DBNL: variants seen among roughly 807,000 people sequenced by gnomAD.
DBNL encodes the protein drebrin like.
A neutral mutation model predicts 62.2 loss-of-function variants in DBNL; 35 were observed. The observed-to-expected ratio is 0.56, with a 90% CI of 0.43 to 0.75. The LOEUF is 0.75. Among genes scored for constraint, DBNL ranks in the 30% least tolerant of loss-of-function variants. The pLI is 0.00. For synonymous variants in DBNL, 197 were observed against 218.0 expected (o/e 0.90, Z 0.85); for missense variants, 495 against 578.4 (o/e 0.86, Z 1.48).
At position 44,061,543 on chromosome 7, in the gene DBNL, CACA is replaced by C. The variant is rs1167431110; in HGVS notation, c.*631_*633del. On this transcript the variant is annotated 3_prime_UTR_variant, in exon 13 of 13. Coordinates refer to ENST00000448521, the MANE Select transcript of DBNL (RefSeq NM_001014436.3). ...ACCCTGGGTATTCAAAAACGGCAGA[CACA>C]ACATGTTCCTCCACGCGGCTCACTC... The C allele has an allele frequency of 6.5e-6, 1 of 153,872 alleles. No individual in the cohort carries two copies. Among genetic ancestry groups the C allele is most frequent in the African/African-American group, 2.4e-5 (1 of 41,470 alleles). 9.5% of individuals were successfully genotyped at this position (153,872 alleles called of 1,614,324 possible).
intron 1 of DBNL, among the ~76,000 whole-genome samples, chr7:44,047,411 G>A (rs1048282656): frequency 6.6e-6 from 1 of 152,164 alleles, no homozygotes; most frequent in African/African-American, 2.4e-5. Context: ...GATAGAGTGG[G>A]GAGCAACCAT....
Position 44,065,048 on chromosome 7 carries a change from C to A in DBNL, c.*4132C>A, listed in dbSNP as rs1220836172. Reference sequence around the variant, plus strand: ...CAGGCACGCTGCTTTCCCTCCCAAGCCAGTGGGCCCCCACCCGACTCCCCA... The same window carrying A: ...CAGGCACGCTGCTTTCCCTCCCAAGACAGTGGGCCCCCACCCGACTCCCCA... On this transcript the variant is annotated 3_prime_UTR_variant, in exon 13 of 13. Transcript: ENST00000448521. 2 of 1,608,908 alleles carry A rather than the reference C, an allele frequency of 1.2e-6. No homozygotes were observed. Among genetic ancestry groups the A allele is most frequent in the African/African-American group, 1.3e-5 (1 of 75,052 alleles).
chr7:44,049,474 G>T (rs2096122759), intron 1 of DBNL, among the ~76,000 whole-genome samples: 1 of 152,122 alleles, frequency 6.6e-6, no homozygotes, highest in African/African-American at 2.4e-5. Context: ...AAGTTCTTAT[G>T]AATAATTAAT....
rs1245010401 is a variant in DBNL, at chr7:44,065,616, C to G, written c.*4700C>G. The G allele has an allele frequency of 3.8e-6, 5 of 1,324,388 alleles. No individual in the cohort carries two copies. Among genetic ancestry groups the G allele is most frequent in the Non-Finnish European group, 4.3e-6 (4 of 933,938 alleles). The allele number at this position is 1,324,388 out of a possible 1,614,324, so 82.0% of individuals were successfully genotyped here. A position where few individuals can be genotyped will look rare whatever the true frequency, so the allele number is the denominator to read the frequency against. On this transcript the variant is annotated 3_prime_UTR_variant, in exon 13 of 13. Coordinates refer to ENST00000448521, the MANE Select transcript of DBNL (RefSeq NM_001014436.3). ...TTTATAATAGTGTCTTCCCAGCCCC[C>G]ACCCACCCCAGCCAACTGCCAATCA...
Position 44,058,144 on chromosome 7 carries a change from C to T in DBNL, c.568C>T (p.Arg190Cys), listed in dbSNP as rs1425847156. 9 of 1,556,622 alleles carry T rather than the reference C, an allele frequency of 5.8e-6. No homozygotes were observed. Among genetic ancestry groups the T allele is most frequent in the African/African-American group, 1.4e-5 (1 of 73,544 alleles). The change falls in exon 7 of 13, where the codon CGT becomes TGT. Residue 190 changes from arginine (R) to cysteine (C), a missense_variant. Physicochemically the swap from Arg to Cys is radical, Grantham distance 180 (BLOSUM62 -3). Coordinates refer to ENST00000448521, the MANE Select transcript of DBNL (RefSeq NM_001014436.3). ...WAKAEKEEEN[R>C]RLEEKRRAEE... is the part of the protein sequence containing the mutation. ...CTCCCTGCAGAAGGAGGAGGAGAAC[C>T]GTCGGCTGGAGGAAAAGCGGCGGGC...
chr7:44,060,124 G>A lies in DBNL; in HGVS notation c.1124G>A (p.Cys375Tyr). 1 of 1,613,048 alleles carries A rather than the reference G, an allele frequency of 6.2e-7. No homozygotes were observed. Among genetic ancestry groups the A allele is most frequent in the Middle Eastern group, 1.7e-4 (1 of 6,050 alleles). ...CAGGGGCTCAGTGGGCAAGGGCTCT[G>A]TGCCCGTGCCCTGTACGACTACCAG... ...QGQGLSGQGL[C>Y]ARALYDYQAA... The change falls in exon 12 of 13, where the codon TGT becomes TAT. Residue 375 changes from cysteine (C) to tyrosine (Y), a missense_variant. Physicochemically the swap from Cys to Tyr is radical, Grantham distance 194 (BLOSUM62 -2). Transcript: ENST00000448521. The surrounding 1 kb of genome is among the most constrained non-coding windows in gnomAD (Gnocchi z 6.3).
Position 44,058,905 on chromosome 7 carries a change from T to C in DBNL, c.757T>C (p.Ser253Pro). 6.2e-7 allele frequency: 1 copy of C among 1,613,094 alleles called. No homozygotes were observed. Among genetic ancestry groups the C allele is most frequent in the Non-Finnish European group, 8.5e-7 (1 of 1,179,792 alleles). ...GTCAACATGTGCTTCCCTCCAGGAG[T>C]CTGCCGTGCACCCGAGGGAGATTTT... Reference protein sequence around the residue: ...VVSRNRNEQESAVHPREIFKQ... With the variant: ...VVSRNRNEQEPAVHPREIFKQ... Residue 253 changes from serine to proline, a missense_variant, in exon 9 of 13, where the codon TCT (serine) becomes CCT (proline). Coordinates refer to ENST00000448521, the MANE Select transcript of DBNL (RefSeq NM_001014436.3).
At chr7:44,058,683 T>C in intron 8 of DBNL, 1 of 834,912 alleles carries the variant, frequency 1.2e-6, no homozygotes, top group Non-Finnish European at 1.9e-6. Flanking sequence ...CACCTGGTCC[T>C]GGGGGAGGCC....
chr7:44,057,706 G>A (rs2096139026), intron 5 of DBNL, 76 bp from the exon 6 acceptor site: 20 of 1,553,690 alleles, frequency 1.3e-5, no homozygotes, highest in Admixed American at 3.4e-5. Context: ...CAAGTTTAGC[G>A]TATTCTCTCC....
chr7:44,062,390 C>G lies in DBNL; in HGVS notation c.*1474C>G, dbSNP rs1223722102. ...CACCTGCCCTCTGCAGGAAGCTGTC[C>G]AGGAAGCCGTGTCCTGGGCTGTGGT... On this transcript the variant is annotated 3_prime_UTR_variant, in exon 13 of 13. Coordinates refer to ENST00000448521, the MANE Select transcript of DBNL (RefSeq NM_001014436.3). 3.2e-6 allele frequency: 1 copy of G among 316,240 alleles called. No individual in the cohort carries two copies. The highest frequency in any genetic ancestry group is 2.1e-5 in the African/African-American group (1 of 46,652). 19.6% of individuals were successfully genotyped at this position (316,240 alleles called of 1,614,324 possible). A position where few individuals can be genotyped will look rare whatever the true frequency, so the allele number is the denominator to read the frequency against.
rs1433854138 is a variant in DBNL, at chr7:44,060,806, G to A, written c.1183G>A (p.Glu395Lys). ...ADDTEISFDPENLITGIEVID... is the reference protein window; with the variant it reads ...ADDTEISFDPKNLITGIEVID... ...CGACACAGAGATCTCCTTTGACCCC[G>A]AGAACCTCATCACGGGCATCGAGGT... The change falls in exon 13 of 13, where the codon GAG becomes AAG. Residue 395 changes from glutamate (E) to lysine (K), a missense_variant. Glu to Lys is a moderately conservative substitution (Grantham distance 56). Coordinates refer to ENST00000448521, the MANE Select transcript of DBNL (RefSeq NM_001014436.3). This position sits in a 1 kb window ranked among gnomAD's most constrained non-coding sequence, Gnocchi z 6.3. The A allele has an allele frequency of 4.3e-6, 7 of 1,614,082 alleles. No homozygotes were observed. The highest frequency in any genetic ancestry group is 1.1e-5 in the South Asian group (1 of 91,076).
intron 8 of DBNL, 40 bp from the exon 9 acceptor site, chr7:44,058,862 G>T: frequency 6.2e-7 from 1 of 1,613,260 alleles, no homozygotes; most frequent in East Asian, 2.2e-5. Flanking sequence ...GGTGGTGAAG[G>T]TTTTGCCCAC....
intron 1 of DBNL, among the ~76,000 whole-genome samples, chr7:44,049,189 C>T (rs998580072): frequency 1.3e-5 from 2 of 152,146 alleles, no homozygotes; most frequent in Non-Finnish European, 2.9e-5. Flanking sequence ...TGGAGTCTCA[C>T]TCTGTTGCCC....
chr7:44,044,866 G>T, intron 1 of DBNL, 46 bp downstream of exon 1: 1 of 1,394,744 alleles, frequency 7.2e-7, no homozygotes, highest in Non-Finnish European at 9.3e-7. Context: ...CTGCCTCAGG[G>T]GTGGGTCTGT....
At chr7:44,052,825 T>C (rs775332437) in intron 3 of DBNL, 42 bp from the exon 4 acceptor site, 21 of 1,611,046 alleles carry the variant, frequency 1.3e-5, no homozygotes, top group Non-Finnish European at 1.7e-5. Flanking sequence ...GGAAGTGGCT[T>C]TGGGGGAGGC....
intron 6 of DBNL, 60 bp downstream of exon 6, chr7:44,057,919 C>A (rs2096139465): frequency 6.2e-7 from 1 of 1,607,070 alleles, no homozygotes; most frequent in Non-Finnish European, 8.5e-7. Context: ...TGTGGCTCAT[C>A]TTTCCTCACA....
At chr7:44,051,980 A>G (rs944508786) in intron 3 of DBNL, 38 bp downstream of exon 3, 1 of 1,583,010 alleles carries the variant, frequency 6.3e-7, no homozygotes, top group Non-Finnish European at 8.7e-7. Context: ...TGACCCAGGA[A>G]ACCCCATTGT....
intron 5 of DBNL, among the ~76,000 whole-genome samples, chr7:44,057,211 A>C (rs4724277): frequency 0.3 from 44,890 of 152,116 alleles, 7,180 homozygotes; most frequent in African/African-American, 0.42. Context: ...ATGGCACTGG[A>C]ACATCTTGGG....
intron 3 of DBNL, among the ~76,000 whole-genome samples, chr7:44,052,610 CAA>C (rs756096866): frequency 1.5e-4 from 16 of 109,818 alleles, no homozygotes; most frequent in Non-Finnish European, 1.4e-4. Flanking sequence ...ACTCCATCTC[CAA>C]AAAAAAAAAA....
Sources: allele counts gnomAD v4.1 joint callset (sites outside exome capture counted in the v4.1 genomes callset), GRCh38; gene constraint gnomAD v4.1.1; non-coding constraint Gnocchi (gnomAD v3.1); transcripts MANE v1.5; gene names NCBI Gene and HGNC (gene_info 2026-07-23, HGNC 2026-07-21).